Variants in CRTAC1 observed in about 807,000 individuals in gnomAD.
CRTAC1 encodes the protein acidic secreted protein in cartilage.
In CRTAC1, 37 loss-of-function variants were observed where a neutral mutation model predicts 67.8. The observed-to-expected ratio is 0.55, with a 90% CI of 0.42 to 0.72. The LOEUF (loss-of-function observed/expected upper bound fraction) is 0.72. Ranked by LOEUF, CRTAC1 falls within the 30% of genes least tolerant of loss-of-function variation. The pLI is 0.00. For synonymous variants in CRTAC1, 348 were observed against 371.0 expected, an observed-to-expected ratio of 0.94 and a Z score of 0.71; for missense variants, 780 against 931.6, an observed-to-expected ratio of 0.84 and a Z score of 2.12.
rs189356752 is a variant in CRTAC1, at chr10:97,911,542, C to T, written c.716-3395G>A. 2.0e-5 allele frequency among the ~76,000 whole-genome samples: 3 copies of T among 152,300 alleles called. No individual in the cohort carries two copies. In the East Asian group the frequency reaches 5.8e-4, roughly 29 times the overall value. ...GGTGAGTCGACAGTCAGGAAGCTGGCCTCCTGGGTGCCAGCCCCAGCAGCT... is the reference window on the plus strand; with the variant it reads ...GGTGAGTCGACAGTCAGGAAGCTGGTCTCCTGGGTGCCAGCCCCAGCAGCT... On this transcript the variant is annotated intron_variant, in intron 5 of 14. Transcript: ENST00000370597.
chr10:97,938,793 C>A (rs1289476477), intron 2 of CRTAC1, among the ~76,000 whole-genome samples: 1 of 152,208 alleles, frequency 6.6e-6, no homozygotes, highest in African/African-American at 2.4e-5. Flanking sequence ...GGTCAGTTCT[C>A]TCTAGGCTCT....
intron 5 of CRTAC1, 107 bp from the exon 6 acceptor site, chr10:97,908,254 A>G: frequency 4.1e-6 from 5 of 1,205,166 alleles, no homozygotes; most frequent in Non-Finnish European, 5.9e-6. Context: ...GAGGCTCCTC[A>G]GAGGAGCCTG....
At chr10:97,899,954 A>C (rs2050510581) in intron 8 of CRTAC1, among the ~76,000 whole-genome samples, 1 of 152,230 alleles carries the variant, frequency 6.6e-6, no homozygotes, top group African/African-American at 2.4e-5. Flanking sequence ...CCCTGAGCTC[A>C]GTTCCCCAAC....
At chr10:97,926,839 G>A (rs1326501161) in intron 3 of CRTAC1, among the ~76,000 whole-genome samples, 3 of 152,214 alleles carry the variant, frequency 2.0e-5, no homozygotes, top group Non-Finnish European at 4.4e-5. Flanking sequence ...GGCAGTGGCA[G>A]GCTTGCTATT....
intron 2 of CRTAC1, among the ~76,000 whole-genome samples, chr10:97,952,650 G>A (rs1309170631): frequency 6.6e-6 from 1 of 151,650 alleles, no homozygotes; most frequent in Non-Finnish European, 1.5e-5. Flanking sequence ...ACAAACCCCA[G>A]GTGGTTTTTA....
At chr10:98,011,538 A>C (rs918375400) in intron 1 of CRTAC1, among the ~76,000 whole-genome samples, 4 of 148,472 alleles carry the variant, frequency 2.7e-5, no homozygotes, top group Non-Finnish European at 4.5e-5. Context: ...ACCTGACTCC[A>C]TCATGGCTGA....
chr10:97,896,898 G>A lies in CRTAC1; in HGVS notation c.1216+11C>T. 1 of 1,498,046 alleles carries A rather than the reference G, an allele frequency of 6.7e-7. No homozygotes were observed. 92.8% of individuals were successfully genotyped at this position (1,498,046 alleles called of 1,614,324 possible). On this transcript the variant is annotated intron_variant, in intron 9 of 14. Coordinates refer to ENST00000370597, the MANE Select transcript of CRTAC1 (RefSeq NM_018058.7). ...GGGCAGTGCAGGCCAGATCCCCCAG[G>A]TGCCCCTCACCTGTGCCCCGGCCCT...
intron 4 of CRTAC1, among the ~76,000 whole-genome samples, chr10:97,919,342 A>G (rs2050803883): frequency 1.3e-5 from 2 of 152,154 alleles, no homozygotes; most frequent in Admixed American, 6.5e-5. Flanking sequence ...AACTTTTCTT[A>G]AAGGAGTCTC....
intron 2 of CRTAC1, among the ~76,000 whole-genome samples, chr10:97,966,359 C>A (rs1033516597): frequency 3.3e-5 from 5 of 152,258 alleles, no homozygotes; most frequent in Non-Finnish European, 5.9e-5. Context: ...GTCTGCCCCC[C>A]TCAGCCTCCC....
At chr10:97,939,485 A>G (rs78120614) in intron 2 of CRTAC1, among the ~76,000 whole-genome samples, 1,868 of 152,194 alleles carry the variant, frequency 0.012, 44 homozygotes, top group African/African-American at 0.042. Context: ...CTACAGATAC[A>G]AAGCCAGACC....
chr10:97,912,189 G>T (rs907352382), intron 5 of CRTAC1, among the ~76,000 whole-genome samples: 4 of 152,184 alleles, frequency 2.6e-5, no homozygotes, highest in Non-Finnish European at 5.9e-5. Context: ...GAAAATGTCA[G>T]GTGCCACACA....
At chr10:97,881,900 C>T (rs1033882031) in intron 13 of CRTAC1, among the ~76,000 whole-genome samples, 3 of 152,134 alleles carry the variant, frequency 2.0e-5, no homozygotes, top group African/African-American at 7.2e-5. Context: ...TTCTCTAGGG[C>T]ACCTTCTAGG....
chr10:97,913,646 A>G (rs2050720276), intron 5 of CRTAC1, among the ~76,000 whole-genome samples: 2 of 152,212 alleles, frequency 1.3e-5, no homozygotes, highest in Admixed American at 6.5e-5. Flanking sequence ...CCCAGGGAAA[A>G]GGTCTCTGTG....
At chr10:97,957,025 A>C (rs1251707282) in intron 2 of CRTAC1, among the ~76,000 whole-genome samples, 1 of 150,054 alleles carries the variant, frequency 6.7e-6, no homozygotes, top group Non-Finnish European at 1.5e-5. Context: ...TGTATTCCCC[A>C]GGCTGGCCTT....
chr10:97,926,964 T>G (rs1055293747), intron 3 of CRTAC1, among the ~76,000 whole-genome samples: 4 of 152,180 alleles, frequency 2.6e-5, no homozygotes, highest in African/African-American at 9.7e-5. Flanking sequence ...CCCCTTTAGA[T>G]GCTGTACTTC....
intron 3 of CRTAC1, among the ~76,000 whole-genome samples, chr10:97,935,151 G>A (rs1406159696): frequency 3.9e-5 from 6 of 152,168 alleles, no homozygotes; most frequent in Non-Finnish European, 8.8e-5. Context: ...TCAGACACCT[G>A]GGTTTGAATC....
intron 13 of CRTAC1, 66 bp from the exon 14 acceptor site, chr10:97,880,458 C>T: frequency 2.5e-6 from 4 of 1,587,260 alleles, no homozygotes; most frequent in South Asian, 1.1e-5. Flanking sequence ...CAGGCTCTGC[C>T]TGCCTATACA....
intron 11 of CRTAC1, among the ~76,000 whole-genome samples, chr10:97,884,729 C>T (rs375453110): frequency 6.9e-6 from 1 of 144,298 alleles, no homozygotes; most frequent in Non-Finnish European, 1.5e-5. Context: ...TTGGATAGTG[C>T]AGCTCTTGAA....
chr10:97,936,397 G>C, intron 2 of CRTAC1, 31 bp from the exon 3 acceptor site: 1 of 1,574,364 alleles, frequency 6.4e-7, no homozygotes, highest in Non-Finnish European at 8.7e-7. Flanking sequence ...GGATGCTGGG[G>C]AGGAGCCGCT....
Sources: allele counts gnomAD v4.1 joint callset (sites outside exome capture counted in the v4.1 genomes callset), GRCh38; gene constraint gnomAD v4.1.1; transcripts MANE v1.5; gene names NCBI Gene and HGNC (gene_info 2026-07-23, HGNC 2026-07-21).